SF3B1: variants seen among roughly 807,000 people sequenced by gnomAD.
SF3B1 encodes the protein splicing factor 3b subunit 1.
SF3B1 carries 12 observed loss-of-function variants against 153.8 expected under a neutral mutation model. That is an observed-to-expected ratio of 0.08 (90% CI 0.05 to 0.13). The LOEUF (loss-of-function observed/expected upper bound fraction) is 0.13, where lower values mean the gene tolerates loss of function less well. Ranked by LOEUF, SF3B1 falls within the 10% of genes least tolerant of loss-of-function variation. The pLI is 1.00. For synonymous variants in SF3B1, 498 were observed against 525.2 expected (o/e 0.95, Z 0.71); for missense variants, 513 against 1,606.1 (o/e 0.32, Z 11.63).
chr2:197,430,365 T>C (rs540509670), intron 1 of SF3B1, among the ~76,000 whole-genome samples: 2 of 152,330 alleles, frequency 1.3e-5, no homozygotes, highest in Admixed American at 6.5e-5. Flanking sequence ...GTGACCAGTG[T>C]ACAAATTAAA....
At chr2:197,397,147 G>A (rs957270597) in intron 22 of SF3B1, among the ~76,000 whole-genome samples, 7 of 152,148 alleles carry the variant, frequency 4.6e-5, no homozygotes, top group African/African-American at 1.2e-4. Context: ...AGTTAAATCC[G>A]TGGAGTAATG....
In SF3B1 at chr2:197,400,531, C is replaced by CTG. The variant is rs1322726129; in HGVS notation, c.2719-99_2719-98dup. The CTG allele has an allele frequency of 2.6e-6, 3 of 1,154,942 alleles. No homozygotes were observed. The Admixed American group carries it at 7.7e-5, about 29-fold the overall frequency. 71.5% of individuals were successfully genotyped at this position (1,154,942 alleles called of 1,614,324 possible). The stretch of plus-strand genomic sequence containing the variant: ...CAACCTTTTCTAACCACCCAAACAT[C>CTG]TGTTGCTGTTTTTTTACATCAAATC... On this transcript the variant is annotated intron_variant, in intron 18 of 24. Coordinates refer to ENST00000335508, the MANE Select transcript of SF3B1 (RefSeq NM_012433.4). The surrounding 1 kb of genome is among the most constrained non-coding windows in gnomAD (Gnocchi z 5.0).
intron 2 of SF3B1, among the ~76,000 whole-genome samples, chr2:197,423,294 G>A (rs2085277989): frequency 6.6e-6 from 1 of 151,852 alleles, no homozygotes; most frequent in Non-Finnish European, 1.5e-5. Flanking sequence ...GGCTGAGGCA[G>A]GAGAATCACT....
chr2:197,394,503 T>C (rs1410118886), intron 23 of SF3B1, among the ~76,000 whole-genome samples: 1 of 152,246 alleles, frequency 6.6e-6, no homozygotes, highest in Non-Finnish European at 1.5e-5. Context: ...TCATCTCCTA[T>C]GTTAACTGAA....
chr2:197,411,759 G>A (rs2105998590), intron 6 of SF3B1, among the ~76,000 whole-genome samples: 1 of 152,020 alleles, frequency 6.6e-6, no homozygotes, highest in South Asian at 2.1e-4. Context: ...AATTTGCATG[G>A]TACCATTAAA....
chr2:197,433,524 A>C lies in SF3B1; in HGVS notation c.28+1448T>G, dbSNP rs574891089. Among the ~76,000 whole-genome samples, 9 of 152,362 alleles carry C rather than the reference A, an allele frequency of 5.9e-5. No homozygotes were observed. The South Asian group carries it at 1.9e-3, about 32-fold the overall frequency. On this transcript the variant is annotated intron_variant, in intron 1 of 24. Coordinates refer to ENST00000335508, the MANE Select transcript of SF3B1 (RefSeq NM_012433.4). ...CTTACTTTGCAAAAGGTTATATTTGAGATAGTCTAAAGACAAAATAATAAA... is the reference window on the plus strand; with the variant it reads ...CTTACTTTGCAAAAGGTTATATTTGCGATAGTCTAAAGACAAAATAATAAA...
At chr2:197,431,266 C>A (rs924585027) in intron 1 of SF3B1, among the ~76,000 whole-genome samples, 1 of 151,946 alleles carries the variant, frequency 6.6e-6, no homozygotes, top group East Asian at 1.9e-4. Flanking sequence ...CACAGGCTCA[C>A]GCCACCATGC....
chr2:197,412,722 C>A (rs908505774), intron 6 of SF3B1, among the ~76,000 whole-genome samples: 1 of 151,190 alleles, frequency 6.6e-6, no homozygotes, highest in African/African-American at 2.4e-5. Flanking sequence ...CAGTGGCTCA[C>A]ACGTGTAATC....
chr2:197,417,657 T>C (rs1291993800), intron 5 of SF3B1, among the ~76,000 whole-genome samples: 1 of 151,296 alleles, frequency 6.6e-6, no homozygotes, highest in Non-Finnish European at 1.5e-5. Context: ...CTCGGGAGGC[T>C]GTGGCAGGAG....
At position 197,401,415 on chromosome 2, in the gene SF3B1, T is replaced by C. The variant is rs1378427008; in HGVS notation, c.2481A>G (p.Arg827=). ...AAAAGCTTACCTGTCGGTAATTTCT[T>C]CTATCCAAAGCCATCCTGTGCTGCC... ...HFWQHRMALD[R]RNYRQLVDTT... The change falls in exon 17 of 25, where the codon AGA becomes AGG. Residue 827 remains arginine, a synonymous_variant. Transcript: ENST00000335508. The surrounding 1 kb of genome is among the most constrained non-coding windows in gnomAD (Gnocchi z 4.2). 7.5e-6 allele frequency: 12 copies of C among 1,596,238 alleles called. No individual in the cohort carries two copies. The highest frequency in any genetic ancestry group is 1.0e-5 in the Non-Finnish European group (12 of 1,176,044).
intron 1 of SF3B1, among the ~76,000 whole-genome samples, chr2:197,433,438 C>T (rs1208236424): frequency 6.6e-6 from 1 of 152,164 alleles, no homozygotes; most frequent in African/African-American, 2.4e-5. Context: ...GCTATACTAT[C>T]AATATCCCCA....
intron 5 of SF3B1, among the ~76,000 whole-genome samples, chr2:197,417,342 G>A (rs2085163014): frequency 6.6e-6 from 1 of 152,080 alleles, no homozygotes; most frequent in African/African-American, 2.4e-5. Flanking sequence ...AATATGCATA[G>A]TGATAATGGA....
At chr2:197,406,948 T>C (rs138612964) in intron 9 of SF3B1, among the ~76,000 whole-genome samples, 1 of 151,702 alleles carries the variant, frequency 6.6e-6, no homozygotes, top group African/African-American at 2.4e-5. Context: ...ATTAGCCAGG[T>C]ATGGTAGTGC....
At chr2:197,399,916 G>A (rs1482962168) in intron 20 of SF3B1, 139 bp downstream of exon 20, 9 of 620,234 alleles carry the variant, frequency 1.5e-5, no homozygotes, top group South Asian at 1.3e-4. Context: ...GACATCCCCC[G>A]ACTTAACTAC....
intron 21 of SF3B1, 120 bp downstream of exon 21, chr2:197,398,341 G>A (rs1420804225): frequency 8.9e-6 from 10 of 1,121,324 alleles, no homozygotes; most frequent in Admixed American, 2.1e-5. Context: ...TATTAATACT[G>A]GATAGCCTAA....
chr2:197,411,560 T>C (rs1307378972), intron 6 of SF3B1, among the ~76,000 whole-genome samples: 2 of 151,700 alleles, frequency 1.3e-5, no homozygotes, highest in African/African-American at 4.8e-5. Context: ...TAGTCCCAGC[T>C]ACTCGGGAGG....
At chr2:197,411,064 A>C (rs184163460) in intron 6 of SF3B1, among the ~76,000 whole-genome samples, 13 of 152,262 alleles carry the variant, frequency 8.5e-5, no homozygotes, top group Non-Finnish European at 1.6e-4. Flanking sequence ...CAGCCTCCTG[A>C]GTAGCTGAGA....
Position 197,392,270 on chromosome 2 carries a change from AG to A in SF3B1, c.*32del. ...TCAAAGCAAGTTTAAGGTGTGAAGTAGCTGTGCATTAAACACAAAATAAACA... is the reference window on the plus strand; with the variant it reads ...TCAAAGCAAGTTTAAGGTGTGAAGTACTGTGCATTAAACACAAAATAAACA... On this transcript the variant is annotated 3_prime_UTR_variant, in exon 25 of 25. Transcript: ENST00000335508. The A allele has an allele frequency of 1.2e-6, 1 of 864,378 alleles. No individual in the cohort carries two copies. Among genetic ancestry groups the A allele is most frequent in the Non-Finnish European group, 1.9e-6 (1 of 515,572 alleles). 53.5% of individuals were successfully genotyped at this position (864,378 alleles called of 1,614,324 possible). A position where few individuals can be genotyped will look rare whatever the true frequency, so the allele number is the denominator to read the frequency against.
rs757832639 is a variant in SF3B1 at position 197,415,895 on chromosome 2, G to A, written c.666+846C>T. ...GCTCACTGCAACCTCTACCTCCGGG[G>A]ATCAAGGGATCCTCCCACCTCAGCC... is the stretch of plus-strand genomic sequence containing the variant. On this transcript the variant is annotated intron_variant, in intron 6 of 24. Transcript: ENST00000335508. Among the ~76,000 whole-genome samples the A allele has an allele frequency of 9.0e-4, 137 of 152,028 alleles. 2 individuals carry two copies. The highest frequency in any genetic ancestry group is 2.1e-4 in the Non-Finnish European group (14 of 67,974).
Sources: allele counts gnomAD v4.1 joint callset (sites outside exome capture counted in the v4.1 genomes callset), GRCh38; gene constraint gnomAD v4.1.1; non-coding constraint Gnocchi (gnomAD v3.1); transcripts MANE v1.5; gene names NCBI Gene and HGNC (gene_info 2026-07-23, HGNC 2026-07-21).